NAV2: variants seen among roughly 807,000 people sequenced by gnomAD.
NAV2 encodes the protein neuron navigator 2, also known as helicase, APC down-regulated 1.
A neutral mutation model predicts 223.2 loss-of-function variants in NAV2; 54 were observed. That is an observed-to-expected ratio of 0.24 (90% confidence interval 0.19 to 0.30). NAV2 has a LOEUF of 0.30. Ranked by LOEUF, NAV2 falls within the 10% of genes least tolerant of loss-of-function variation. NAV2 has a pLI of 1.00. For synonymous variants in NAV2, 1,279 were observed against 1,239.3 expected, an observed-to-expected ratio of 1.03 and a Z score of -0.67; for missense variants, 2,806 against 3,147.5, an observed-to-expected ratio of 0.89 and a Z score of 2.60.
At chr11:19,394,336 A>G (rs1477042384) in intron 1 of NAV2, among the ~76,000 whole-genome samples, 1 of 152,244 alleles carries the variant, frequency 6.6e-6, no homozygotes, top group Non-Finnish European at 1.5e-5. Context: ...TGATTTAAAA[A>G]GGAAAACCAC....
At chr11:19,636,187 T>C (rs2047495018) in intron 1 of NAV2, among the ~76,000 whole-genome samples, 1 of 152,222 alleles carries the variant, frequency 6.6e-6, no homozygotes, top group Admixed American at 6.5e-5. Context: ...TCTGTGTCTT[T>C]TATTCTGTTC....
At chr11:20,030,615 A>G (rs913407297) in intron 11 of NAV2, among the ~76,000 whole-genome samples, 1 of 152,260 alleles carries the variant, frequency 6.6e-6, no homozygotes, top group Non-Finnish European at 1.5e-5. Flanking sequence ...TTGTAAATTT[A>G]ACATACCTGG....
Position 19,595,304 on chromosome 11 carries a change from T to C in NAV2, c.76-237180T>C, listed in dbSNP as rs146911265. 1.1e-4 allele frequency among the ~76,000 whole-genome samples: 17 copies of C among 152,292 alleles called. No individual in the cohort carries two copies. The East Asian group carries it at 3.3e-3, about 29-fold the overall frequency. ...CTCAGGAGAAAGACTCAGGAAGGCA[T>C]TGGCACATACAAGGAACTGAACTAT... On this transcript the variant is annotated intron_variant, in intron 1 of 37. Transcript: ENST00000360655.
At chr11:20,011,318 C>A (rs1053324116) in intron 11 of NAV2, among the ~76,000 whole-genome samples, 4 of 151,758 alleles carry the variant, frequency 2.6e-5, no homozygotes, top group Admixed American at 6.6e-5. Context: ...GATAAGCAAA[C>A]AATAGGGATA....
intron 11 of NAV2, among the ~76,000 whole-genome samples, chr11:20,023,396 G>C (rs546811805): frequency 2.0e-5 from 3 of 152,100 alleles, no homozygotes; most frequent in Admixed American, 2.0e-4. Context: ...GGCATTACCC[G>C]AATGTCCTGG....
At chr11:19,598,925 TG>T (rs2135221658) in intron 1 of NAV2, among the ~76,000 whole-genome samples, 1 of 152,342 alleles carries the variant, frequency 6.6e-6, no homozygotes, top group South Asian at 2.1e-4. Flanking sequence ...TGTTGATTTT[TG>T]GTTCCAACTG....
intron 1 of NAV2, among the ~76,000 whole-genome samples, chr11:19,466,984 T>TAC (rs3042688): frequency 7.7e-4 from 96 of 125,196 alleles, no homozygotes; most frequent in African/African-American, 2.5e-3. Context: ...TCTCTCTCTC[T>TAC]ACACACACAC....
At chr11:19,663,536 C>T (rs183282328) in intron 1 of NAV2, among the ~76,000 whole-genome samples, 51 of 152,294 alleles carry the variant, frequency 3.3e-4, no homozygotes, top group African/African-American at 1.1e-3. Flanking sequence ...CCCCTGTCCC[C>T]GACCCCCATG....
At chr11:19,875,857 C>A (rs777858630) in intron 4 of NAV2, among the ~76,000 whole-genome samples, 1 of 152,098 alleles carries the variant, frequency 6.6e-6, no homozygotes, top group Non-Finnish European at 1.5e-5. Context: ...CTGTGGCACA[C>A]AGGGGATGAG....
At chr11:19,755,279 T>C (rs897872382) in intron 1 of NAV2, among the ~76,000 whole-genome samples, 3 of 152,228 alleles carry the variant, frequency 2.0e-5, no homozygotes, top group African/African-American at 7.2e-5. Flanking sequence ...TTGCCCAATG[T>C]CACACAGCAG....
At chr11:19,988,412 C>T (rs1167224030) in intron 11 of NAV2, among the ~76,000 whole-genome samples, 1 of 138,788 alleles carries the variant, frequency 7.2e-6, no homozygotes, top group African/African-American at 2.6e-5. Context: ...GCGATAAGGC[C>T]ATATTACTTC....
chr11:19,504,313 A>C (rs1030631519), intron 1 of NAV2: 3 of 152,224 alleles, frequency 2.0e-5, no homozygotes, highest in Non-Finnish European at 4.4e-5. Flanking sequence ...TCTTTTTCAA[A>C]GATCTCTTTT....
At chr11:19,593,852 GTC>G (rs1226280481) in intron 1 of NAV2, among the ~76,000 whole-genome samples, 1 of 152,006 alleles carries the variant, frequency 6.6e-6, no homozygotes, top group Non-Finnish European at 1.5e-5. Context: ...TCAGTAAACT[GTC>G]TCTACATGTC....
At chr11:19,848,991 G>A (rs1410623269) in intron 3 of NAV2, among the ~76,000 whole-genome samples, 1 of 152,160 alleles carries the variant, frequency 6.6e-6, no homozygotes, top group East Asian at 1.9e-4. Context: ...GAGAAATGTG[G>A]AAGAGAACAA....
At chr11:19,426,394 A>C (rs1850829232) in intron 1 of NAV2, among the ~76,000 whole-genome samples, 1 of 152,166 alleles carries the variant, frequency 6.6e-6, no homozygotes, top group Non-Finnish European at 1.5e-5. Flanking sequence ...CTGCCATCAC[A>C]ACCTGATACT....
intron 1 of NAV2, among the ~76,000 whole-genome samples, chr11:19,790,383 C>A (rs951435056): frequency 1.3e-5 from 2 of 152,218 alleles, no homozygotes; most frequent in African/African-American, 4.8e-5. Flanking sequence ...AAGTCTCTGA[C>A]TTCCAGCCCA....
intron 7 of NAV2, among the ~76,000 whole-genome samples, chr11:19,936,221 T>G (rs1399181154): frequency 6.6e-6 from 1 of 152,066 alleles, no homozygotes; most frequent in Non-Finnish European, 1.5e-5. Context: ...TATGAAATTT[T>G]TATAATTCCA....
intron 1 of NAV2, among the ~76,000 whole-genome samples, chr11:19,583,005 A>G (rs2045772618): frequency 6.6e-6 from 1 of 152,222 alleles, no homozygotes; most frequent in South Asian, 2.1e-4. Flanking sequence ...CTTCCTAACC[A>G]TGAGCATGAA....
intron 1 of NAV2, among the ~76,000 whole-genome samples, chr11:19,577,509 G>A (rs1590584068): frequency 6.6e-6 from 1 of 152,220 alleles, no homozygotes; most frequent in Non-Finnish European, 1.5e-5. Flanking sequence ...TAGATGCTCA[G>A]TGTAGCCACT....
Sources: gnomAD v4.1 joint callset for allele counts (sites outside exome capture counted in the v4.1 genomes callset) on GRCh38, gnomAD v4.1.1 for gene constraint, MANE v1.5 for transcripts, NCBI Gene and HGNC (gene_info 2026-07-23, HGNC 2026-07-21) for gene names.